Variants in FBXO21 observed in about 807,000 individuals in gnomAD.
The protein encoded by FBXO21 is F-box only protein 21.
FBXO21 carries 32 observed loss-of-function variants against 76.6 expected under a neutral mutation model. The observed-to-expected ratio is 0.42, with a 90% CI of 0.32 to 0.56. The LOEUF is 0.56. Among genes scored for constraint, FBXO21 ranks in the 20% least tolerant of loss-of-function variants. The pLI is 0.16. For synonymous variants in FBXO21, 328 were observed against 311.5 expected (o/e 1.05, Z -0.56); for missense variants, 586 against 797.3 (o/e 0.73, Z 3.19).
chr12:117,166,548 A>T (rs545390938), intron 8 of FBXO21, among the ~76,000 whole-genome samples: 1 of 152,376 alleles, frequency 6.6e-6, no homozygotes, highest in South Asian at 2.1e-4. Context: ...TTAGACATAA[A>T]ACTATTACTA....
At chr12:117,157,608 G>T (rs1035161989) in intron 10 of FBXO21, among the ~76,000 whole-genome samples, 1 of 151,502 alleles carries the variant, frequency 6.6e-6, no homozygotes, top group Non-Finnish European at 1.5e-5. Flanking sequence ...CACAGAGAAG[G>T]GTCAAACATC....
intron 11 of FBXO21, among the ~76,000 whole-genome samples, 193 bp from the exon 12 acceptor site, chr12:117,146,470 GT>G (rs905092116): frequency 6.6e-6 from 1 of 152,176 alleles, no homozygotes; most frequent in Non-Finnish European, 1.5e-5. Flanking sequence ...AAGGTGGGTG[GT>G]GGCACGGGTG....
At chr12:117,156,641 T>TAAGATTC (rs2135853482) in intron 10 of FBXO21, among the ~76,000 whole-genome samples, 1 of 152,260 alleles carries the variant, frequency 6.6e-6, no homozygotes, top group Non-Finnish European at 1.5e-5. Context: ...CAGGGGACAG[T>TAAGATTC]AAGATTCACC....
At chr12:117,178,007 T>C (rs1956191719) in intron 3 of FBXO21, among the ~76,000 whole-genome samples, 1 of 152,196 alleles carries the variant, frequency 6.6e-6, no homozygotes, top group Admixed American at 6.5e-5. Context: ...CTCACTGCCA[T>C]GGTGAGTTCC....
rs560990005 is a variant in FBXO21 at position 117,162,997 on chromosome 12, C to T, written c.1326+2488G>A. Among the ~76,000 whole-genome samples the T allele has an allele frequency of 4.6e-5, 7 of 152,294 alleles. No homozygotes were observed. The East Asian group carries it at 5.8e-4, about 13-fold the overall frequency. On this transcript the variant is annotated intron_variant, in intron 9 of 11. Transcript: ENST00000622495. ...TTCTTCAGCACCCCCTGGCTTCTTC[C>T]GCACTGGGAGTCCCAGAGTTTTCCT... is the stretch of plus-strand genomic sequence containing the variant.
rs369046558 is a variant in FBXO21 at position 117,167,073 on chromosome 12, T to G, written c.1018A>C (p.Thr340Pro). Residue 340 changes from threonine to proline, a missense_variant, in exon 8 of 12, where the codon ACC (threonine) becomes CCC (proline). Physicochemically the swap from Thr to Pro is conservative, Grantham distance 38. Coordinates refer to ENST00000622495, the MANE Select transcript of FBXO21 (RefSeq NM_015002.3). ...TAGATGTAGTCAAAGATGTCCAGGG[T>G]CGCCCTATCCAAAGAGCCAAATATC... is the stretch of plus-strand genomic sequence containing the variant. ...LRWCQGAEGA[T>P]LDIFDYIYID... 6.2e-6 allele frequency: 10 copies of G among 1,613,500 alleles called. No individual in the cohort carries two copies. In the African/African-American group the frequency reaches 1.2e-4, roughly 19 times the overall value.
intron 11 of FBXO21, among the ~76,000 whole-genome samples, chr12:117,153,153 G>A (rs7489177): frequency 6.6e-6 from 1 of 151,716 alleles, no homozygotes; most frequent in Non-Finnish European, 1.5e-5. Context: ...GAAAATGCCC[G>A]GTTGGGGACA....
Position 117,146,214 on chromosome 12 carries a change from GAGAAA to G in FBXO21, c.1734_1738del (p.Phe579ArgfsTer26). 1 of 1,613,878 alleles carries G rather than the reference GAGAAA, an allele frequency of 6.2e-7. No homozygotes were observed. Among genetic ancestry groups the G allele is most frequent in the Non-Finnish European group, 8.5e-7 (1 of 1,179,930 alleles). ...GATGTAGTGAGTGCCAGTAAACTCTGAGAAATAGCGTCCCACGTCAGGGTGTGAGA... is the reference window on the plus strand; with the variant it reads ...GATGTAGTGAGTGCCAGTAAACTCTGTAGCGTCCCACGTCAGGGTGTGAGA... On this transcript the variant is annotated frameshift_variant, in exon 12 of 12. Coordinates refer to ENST00000622495, the MANE Select transcript of FBXO21 (RefSeq NM_015002.3). LOFTEE classifies it high-confidence loss of function.
chr12:117,181,568 T>G (rs554051767), intron 3 of FBXO21, among the ~76,000 whole-genome samples: 6 of 146,766 alleles, frequency 4.1e-5, no homozygotes, highest in Non-Finnish European at 7.4e-5. Flanking sequence ...TGAGACAGTC[T>G]ATCGATCGAT....
intron 2 of FBXO21, 117 bp from the exon 3 acceptor site, chr12:117,186,688 T>G: frequency 1.6e-6 from 1 of 638,140 alleles, no homozygotes; most frequent in South Asian, 1.9e-5. Context: ...TAACAGTTAT[T>G]CTACACTACC....
rs965693434 is a variant in FBXO21 at position 117,144,868 on chromosome 12, C to G, written c.*1219G>C. The G allele has an allele frequency of 2.0e-5, 3 of 152,142 alleles. No homozygotes were observed. Among genetic ancestry groups the G allele is most frequent in the Middle Eastern group, 3.2e-3 (1 of 316 alleles). 9.4% of individuals were successfully genotyped at this position (152,142 alleles called of 1,614,324 possible). A position where few individuals can be genotyped will look rare whatever the true frequency, so the allele number is the denominator to read the frequency against. ...CAGGCTTTCCCAGAAGACGCCACAA[C>G]AGGCTTCGTCCTGCTGCCGTCAGGA... On this transcript the variant is annotated 3_prime_UTR_variant, in exon 12 of 12. Coordinates refer to ENST00000622495, the MANE Select transcript of FBXO21 (RefSeq NM_015002.3).
chr12:117,174,649 A>G lies in FBXO21; in HGVS notation c.739+2T>C, dbSNP rs1282145122. On this transcript the variant is annotated splice_donor_variant, in intron 5 of 11. Transcript: ENST00000622495. LOFTEE classifies it high-confidence loss of function. Reference sequence around the variant, plus strand: ...ACAGCTGGATCCAAAGCAATGCCACACCTGCCTTGAAGGCCAAGCTGGGGT... The same window carrying G: ...ACAGCTGGATCCAAAGCAATGCCACGCCTGCCTTGAAGGCCAAGCTGGGGT... 6.2e-7 allele frequency: 1 copy of G among 1,613,944 alleles called. No homozygotes were observed.
In FBXO21 at chr12:117,190,418, C is replaced by G. The variant is rs749992566; in HGVS notation, c.39G>C (p.Val13=). 2.0e-6 allele frequency: 3 copies of G among 1,467,048 alleles called. No homozygotes were observed. Among genetic ancestry groups the G allele is most frequent in the Admixed American group, 2.3e-5 (1 of 44,072 alleles). The allele number at this position is 1,467,048 out of a possible 1,614,324, so 90.9% of individuals were successfully genotyped here. A position where few individuals can be genotyped will look rare whatever the true frequency, so the allele number is the denominator to read the frequency against. Reference sequence around the variant, plus strand: ...GCGCGGCCTCCTCCGCCAGCGCCGGCACCACCTCCATCGCGCTGTCGACTG... The same window carrying G: ...GCGCGGCCTCCTCCGCCAGCGCCGGGACCACCTCCATCGCGCTGTCGACTG... ...AAAVDSAMEV[V]PALAEEAAPE... is the part of the protein sequence containing the mutation. Residue 13 remains valine (V), a synonymous_variant, in exon 1 of 12, where the codon GTG becomes GTC. Coordinates refer to ENST00000622495, the MANE Select transcript of FBXO21 (RefSeq NM_015002.3).
chr12:117,180,881 C>T (rs569920597), intron 3 of FBXO21, among the ~76,000 whole-genome samples: 1 of 152,272 alleles, frequency 6.6e-6, no homozygotes, highest in South Asian at 2.1e-4. Flanking sequence ...GATCCGCCTA[C>T]CTCAGCCTCC....
At chr12:117,157,653 G>A (rs868187098) in intron 10 of FBXO21, among the ~76,000 whole-genome samples, 2 of 152,118 alleles carry the variant, frequency 1.3e-5, no homozygotes, top group South Asian at 4.1e-4. Flanking sequence ...GATCTCTCAG[G>A]AAAGTAAGCT....
At chr12:117,179,024 A>G (rs1956203656) in intron 3 of FBXO21, among the ~76,000 whole-genome samples, 1 of 152,192 alleles carries the variant, frequency 6.6e-6, no homozygotes, top group Admixed American at 6.5e-5. Flanking sequence ...TCCCAAATAC[A>G]TATGGGGATT....
intron 5 of FBXO21, 117 bp from the exon 6 acceptor site, chr12:117,174,458 C>A: frequency 7.7e-7 from 1 of 1,294,148 alleles, no homozygotes; most frequent in Non-Finnish European, 1.1e-6. Flanking sequence ...TCAAGTGTTG[C>A]CAATCTAGGA....
chr12:117,189,133 G>A, intron 2 of FBXO21, 94 bp downstream of exon 2: 1 of 1,396,352 alleles, frequency 7.2e-7, no homozygotes, highest in Non-Finnish European at 1.0e-6. Flanking sequence ...CATTGAAAAG[G>A]GAGATACGAA....
chr12:117,173,950 G>A (rs1268966256), intron 6 of FBXO21, among the ~76,000 whole-genome samples: 1 of 152,024 alleles, frequency 6.6e-6, no homozygotes, highest in African/African-American at 2.4e-5. Context: ...TTGAGACCAG[G>A]CTGGGCAACA....
Sources: allele counts gnomAD v4.1 joint callset (sites outside exome capture counted in the v4.1 genomes callset), GRCh38; gene constraint gnomAD v4.1.1; transcripts MANE v1.5; gene names NCBI Gene and HGNC (gene_info 2026-07-23, HGNC 2026-07-21).